Variants in VPS8 observed in about 807,000 individuals in gnomAD.
The protein encoded by VPS8 is vacuolar protein sorting-associated protein 8 homolog.
A neutral mutation model predicts 216.4 loss-of-function variants in VPS8; 129 were observed. The ratio of observed to expected loss-of-function variants is 0.60; its 90% CI spans 0.52 to 0.69. VPS8 has a LOEUF of 0.69. Among genes scored for constraint, VPS8 ranks in the 30% least tolerant of loss-of-function variants. VPS8 has a pLI of 0.00. For synonymous variants in VPS8, 571 were observed against 565.4 expected, an observed-to-expected ratio of 1.01 and a Z score of -0.14; for missense variants, 1,531 against 1,683.5, an observed-to-expected ratio of 0.91 and a Z score of 1.59.
rs374647611 is a variant in VPS8 at position 184,957,495 on chromosome 3, T to A, written c.3157T>A (p.Cys1053Ser). Residue 1053 changes from cysteine to serine, a missense_variant, in exon 37 of 48, where the codon TGC becomes AGC. By Grantham distance (112) the Cys-to-Ser change is moderately radical. This residue lies in a region of VPS8 where 1,318 missense variants were observed against 1,468.4 expected (regional missense o/e 0.90). Transcript: ENST00000625842. ...QVIETLQVLE[C>S]YRLEETIQIT... Reference sequence around the variant, plus strand: ...TATAGAGACTCTGCAAGTCCTTGAGTGCTACCGTCTGGAAGAAACTATTCA... The same window carrying A: ...TATAGAGACTCTGCAAGTCCTTGAGAGCTACCGTCTGGAAGAAACTATTCA... 18 of 1,611,552 alleles carry A rather than the reference T, an allele frequency of 1.1e-5. No homozygotes were observed. The highest frequency in any genetic ancestry group is 3.3e-4 in the Middle Eastern group (2 of 6,078).
In VPS8 at chr3:184,982,584, T is replaced by G. The variant is rs370015353; in HGVS notation, c.3439T>G (p.Leu1147Val). Residue 1147 changes from leucine to valine, a missense_variant, in exon 41 of 48, where the codon TTG becomes GTG. Around this residue, in one of 3 missense-constraint regions of VPS8, gnomAD observed 1,318 missense variants for 1,468.4 expected, o/e 0.90. Transcript: ENST00000625842. ...QQREALWFPL[L>V]EAMMAPQKLS... is the part of the protein sequence containing the mutation. The stretch of plus-strand genomic sequence containing the variant: ...ATTATAGGCACTTTGGTTTCCGTTA[T>G]TGGAGGCAATGATGGCCCCTCAGAA... 1 of 1,613,268 alleles carries G rather than the reference T, an allele frequency of 6.2e-7. No individual in the cohort carries two copies. The highest frequency in any genetic ancestry group is 8.5e-7 in the Non-Finnish European group (1 of 1,179,692).
intron 45 of VPS8, among the ~76,000 whole-genome samples, chr3:185,021,192 T>A (rs1426191378): frequency 1.3e-5 from 2 of 152,248 alleles, no homozygotes; most frequent in Non-Finnish European, 2.9e-5. Context: ...AAGTTCAACA[T>A]TATTAAGGCC....
Position 184,928,585 on chromosome 3 carries a change from A to G in VPS8, c.2714+52A>G, listed in dbSNP as rs984106019. ...GTTTGCCATAGAAATATTAAATTAT[A>G]TTTCTTTAACTTAAAGCTCAGTTTA... On this transcript the variant is annotated intron_variant, in intron 32 of 47. Coordinates refer to ENST00000625842, the MANE Select transcript of VPS8 (RefSeq NM_001009921.3). 1.1e-5 allele frequency: 14 copies of G among 1,294,928 alleles called. 1 individual carries two copies. The African/African-American group carries it at 2.0e-4, about 18-fold the overall frequency. 80.2% of individuals were successfully genotyped at this position (1,294,928 alleles called of 1,614,324 possible).
intron 42 of VPS8, among the ~76,000 whole-genome samples, chr3:184,992,594 A>G (rs560018514): frequency 2.7e-4 from 41 of 152,240 alleles, no homozygotes; most frequent in Non-Finnish European, 5.6e-4. Flanking sequence ...TATGTTAAAC[A>G]TAAACTGCTT....
At chr3:184,838,474 G>T (rs1721525621) in intron 5 of VPS8, among the ~76,000 whole-genome samples, 1 of 151,916 alleles carries the variant, frequency 6.6e-6, no homozygotes, top group Non-Finnish European at 1.5e-5. Context: ...CCTCCCTGAG[G>T]CATCTTACTT....
At chr3:184,983,441 A>G (rs951469166) in intron 42 of VPS8, among the ~76,000 whole-genome samples, 1 of 152,192 alleles carries the variant, frequency 6.6e-6, no homozygotes, top group Admixed American at 6.5e-5. Flanking sequence ...CAAAAAGATA[A>G]TCTAAAAATT....
rs545988618 is a variant in VPS8 at position 184,933,073 on chromosome 3, G to A, written c.2898+2505G>A. 6.6e-5 allele frequency among the ~76,000 whole-genome samples: 10 copies of A among 152,262 alleles called. No individual in the cohort carries two copies. The South Asian group carries it at 2.1e-3, about 32-fold the overall frequency. On this transcript the variant is annotated intron_variant, in intron 34 of 47. Transcript: ENST00000625842. ...CAGACCTCCTGAATCAGAAACTCTGGGGGTGAGGCCCAGCAATCCCCTACA... is the reference window on the plus strand; with the variant it reads ...CAGACCTCCTGAATCAGAAACTCTGAGGGTGAGGCCCAGCAATCCCCTACA...
At chr3:184,856,097 A>C (rs1481941836) in intron 14 of VPS8, among the ~76,000 whole-genome samples, 1 of 152,234 alleles carries the variant, frequency 6.6e-6, no homozygotes, top group Non-Finnish European at 1.5e-5. Context: ...ATATGTGTTA[A>C]TGTATGTGCA....
At chr3:184,996,066 C>T (rs1224865643) in intron 43 of VPS8, among the ~76,000 whole-genome samples, 1 of 152,222 alleles carries the variant, frequency 6.6e-6, no homozygotes, top group East Asian at 1.9e-4. Flanking sequence ...AATGGCAGAG[C>T]TCACATTTCT....
Position 184,834,618 on chromosome 3 carries a change from GT to G in VPS8, c.354-26del, listed in dbSNP as rs747305890. On this transcript the variant is annotated intron_variant, in intron 4 of 47. Transcript: ENST00000625842. ...CCTCTCCTTTTCACTATTTTTATCT[GT>G]TTTTAAATGTTTTTCTTTTTTTTTT... 4 of 1,490,276 alleles carry G rather than the reference GT, an allele frequency of 2.7e-6. No homozygotes were observed. In the South Asian group the frequency reaches 5.2e-5, roughly 20 times the overall value. The allele number at this position is 1,490,276 out of a possible 1,614,324, so 92.3% of individuals were successfully genotyped here. A position where few individuals can be genotyped will look rare whatever the true frequency, so the allele number is the denominator to read the frequency against.
At chr3:185,051,379 G>A (rs956750958) in intron 47 of VPS8, among the ~76,000 whole-genome samples, 6 of 152,122 alleles carry the variant, frequency 3.9e-5, no homozygotes, top group African/African-American at 1.4e-4. Context: ...CTGGGTGTCT[G>A]TTTGAGGCCT....
chr3:184,897,021 G>A (rs760814840), intron 23 of VPS8, among the ~76,000 whole-genome samples: 2 of 152,218 alleles, frequency 1.3e-5, no homozygotes, highest in African/African-American at 2.4e-5. Flanking sequence ...TGTCTCGGGT[G>A]TTCAAAAGGA....
intron 42 of VPS8, among the ~76,000 whole-genome samples, chr3:184,989,986 T>C (rs1751663788): frequency 1.3e-5 from 2 of 151,892 alleles, no homozygotes; most frequent in South Asian, 4.2e-4. Flanking sequence ...GGCAGGAGAA[T>C]GGTGTGAACC....
intron 45 of VPS8, among the ~76,000 whole-genome samples, chr3:185,006,233 G>A (rs1754231003): frequency 6.6e-6 from 1 of 152,104 alleles, no homozygotes; most frequent in Admixed American, 6.5e-5. Context: ...TAGTGGGTTA[G>A]GTAATATAAG....
chr3:184,896,636 C>A (rs1733538873), intron 23 of VPS8, among the ~76,000 whole-genome samples: 1 of 152,166 alleles, frequency 6.6e-6, no homozygotes, highest in Non-Finnish European at 1.5e-5. Context: ...ACTCTTTTAA[C>A]AGCATTTGTT....
intron 16 of VPS8, among the ~76,000 whole-genome samples, chr3:184,866,206 T>C (rs191375687): frequency 6.6e-6 from 1 of 152,220 alleles, no homozygotes; most frequent in Non-Finnish European, 1.5e-5. Flanking sequence ...TTTAATAGAA[T>C]ACTGTTCCAC....
chr3:184,925,770 C>G (rs1350039969), intron 30 of VPS8, among the ~76,000 whole-genome samples: 1 of 144,448 alleles, frequency 6.9e-6, no homozygotes, highest in African/African-American at 2.7e-5. Flanking sequence ...TTTTCTCTCT[C>G]TATTTTTTTT....
intron 45 of VPS8, among the ~76,000 whole-genome samples, chr3:185,022,076 T>A (rs1756740961): frequency 6.6e-6 from 1 of 152,170 alleles, no homozygotes; most frequent in Non-Finnish European, 1.5e-5. Flanking sequence ...AATTGAATCA[T>A]GGGGGCGGTT....
At chr3:185,042,039 G>A (rs76634144) in intron 46 of VPS8, among the ~76,000 whole-genome samples, 5,959 of 152,196 alleles carry the variant, frequency 0.039, 163 homozygotes, top group Middle Eastern at 0.079. Context: ...TTTATGTTTT[G>A]TTGTTTTCTA....
Sources: gnomAD v4.1 joint callset for allele counts (sites outside exome capture counted in the v4.1 genomes callset) on GRCh38, gnomAD v4.1.1 for gene constraint, gnomAD v4.1.1 regional missense constraint, MANE v1.5 for transcripts, NCBI Gene and HGNC (gene_info 2026-07-23, HGNC 2026-07-21) for gene names.